Variants in B4GALT1 observed in about 807,000 individuals in gnomAD.
The protein encoded by B4GALT1 is N-acetyllactosamine synthase.
A neutral mutation model predicts 34.9 loss-of-function variants in B4GALT1; 16 were observed. The ratio of observed to expected loss-of-function variants is 0.46; its 90% CI spans 0.31 to 0.70. The LOEUF (loss-of-function observed/expected upper bound fraction) is 0.70, where lower values mean the gene tolerates loss of function less well. B4GALT1 is among the 30% of genes least tolerant of loss of function. The pLI is 0.05. For missense variants in B4GALT1, 445 were observed against 530.5 expected, an observed-to-expected ratio of 0.84 and a Z score of 1.58; for synonymous variants, 221 against 218.1, an observed-to-expected ratio of 1.01 and a Z score of -0.12.
chr9:33,143,904 G>T (rs569834407), intron 1 of B4GALT1, among the ~76,000 whole-genome samples: 1 of 150,620 alleles, frequency 6.6e-6, no homozygotes, highest in African/African-American at 2.4e-5. Flanking sequence ...TTTAAACTGG[G>T]TCTTGCTCTG....
intron 1 of B4GALT1, among the ~76,000 whole-genome samples, chr9:33,136,001 G>A (rs1226426036): frequency 2.0e-5 from 3 of 151,716 alleles, no homozygotes; most frequent in Non-Finnish European, 4.4e-5. Context: ...TAGCAGGAGT[G>A]GCATGAGTGC....
chr9:33,155,151 G>C (rs1357785633), intron 1 of B4GALT1, among the ~76,000 whole-genome samples: 1 of 152,188 alleles, frequency 6.6e-6, no homozygotes, highest in East Asian at 1.9e-4. Context: ...GAGCATCCCA[G>C]CCAATCCTTC....
chr9:33,132,810 C>A (rs1352816435), intron 2 of B4GALT1, among the ~76,000 whole-genome samples: 1 of 152,246 alleles, frequency 6.6e-6, no homozygotes, highest in Non-Finnish European at 1.5e-5. Flanking sequence ...ACCCTCCAGT[C>A]TTCCTTGAAA....
chr9:33,122,288 T>C (rs1380478495), intron 2 of B4GALT1, among the ~76,000 whole-genome samples: 6 of 151,884 alleles, frequency 4.0e-5, no homozygotes, highest in African/African-American at 1.5e-4. Flanking sequence ...GAGGCCAAGG[T>C]GGGCAGATCA....
chr9:33,115,969 A>T, intron 4 of B4GALT1, 22 bp downstream of exon 4: 1 of 1,606,320 alleles, frequency 6.2e-7, no homozygotes, highest in Non-Finnish European at 8.5e-7. Context: ...GAGGAGAAAG[A>T]TATCTAAGTT....
the B4GALT1 span, chr9:33,174,164 T>A: frequency 1.7e-5 from 2 of 115,542 alleles, no homozygotes; most frequent in South Asian, 4.8e-4. Context: ...TAAAGAGAAA[T>A]AACTAACCAT....
chr9:33,176,751 G>T, the B4GALT1 span, among the ~76,000 whole-genome samples: 1 of 152,230 alleles, frequency 6.6e-6, no homozygotes, highest in South Asian at 2.1e-4. Flanking sequence ...GGTACTACCT[G>T]CTGGGTGATA....
In B4GALT1 at chr9:33,150,150, T is replaced by TACACACATAC. The variant is rs138627804; in HGVS notation, c.413-14727_413-14726insGTATGTGTGT. Reference sequence around the variant, plus strand: ...ATATATAGATATAGATATAGATATATACACACACACATATATATGAGAGAG... The same window carrying TACACACATAC: ...ATATATAGATATAGATATAGATATATACACACATACACACACACACATATATATGAGAGAG... On this transcript the variant is annotated intron_variant, in intron 1 of 5. Transcript: ENST00000379731. Among the ~76,000 whole-genome samples, 1,356 of 119,898 alleles carry TACACACATAC rather than the reference T, an allele frequency of 0.011. 76 individuals are homozygous for TACACACATAC. In the East Asian group the frequency reaches 0.17, roughly 15 times the overall value. The allele number at this position is 119,898 out of a possible 152,430, so 78.7% of individuals were successfully genotyped here.
chr9:33,159,675 T>C (rs1334674271), intron 1 of B4GALT1, among the ~76,000 whole-genome samples: 1 of 152,172 alleles, frequency 6.6e-6, no homozygotes, highest in Non-Finnish European at 1.5e-5. Context: ...AGTTTCTCAC[T>C]ATGGCTCCTC....
At position 33,135,297 on chromosome 9, in the gene B4GALT1, G is replaced by T; in HGVS notation, c.540C>A (p.Ile180=). The change falls in exon 2 of 6, where the codon ATC becomes ATA. Residue 180 remains isoleucine, a synonymous_variant. Coordinates refer to ENST00000379731, the MANE Select transcript of B4GALT1 (RefSeq NM_001497.4). ...CCTGCCGGTTGCGGAATGGAATGAT[G>T]ATGGCCACCTTGTGAGGAGAGACGC... The part of the protein sequence containing the change: ...RDCVSPHKVA[I]IIPFRNRQEH... 3 of 1,614,214 alleles carry T rather than the reference G, an allele frequency of 1.9e-6. No individual in the cohort carries two copies. In the Admixed American group the frequency reaches 5.0e-5, roughly 27 times the overall value.
intron 1 of B4GALT1, among the ~76,000 whole-genome samples, chr9:33,139,720 G>A (rs1373046446): frequency 2.6e-5 from 4 of 152,244 alleles, no homozygotes; most frequent in Non-Finnish European, 1.5e-5. Flanking sequence ...GCAGACCTGC[G>A]ACCAGGTTTC....
At chr9:33,147,130 C>T (rs947393508) in intron 1 of B4GALT1, among the ~76,000 whole-genome samples, 3 of 152,188 alleles carry the variant, frequency 2.0e-5, no homozygotes, top group Non-Finnish European at 4.4e-5. Context: ...CCTCTCTAAA[C>T]TTTGTTGGTG....
At chr9:33,148,384 G>C (rs1398062548) in intron 1 of B4GALT1, among the ~76,000 whole-genome samples, 5 of 152,200 alleles carry the variant, frequency 3.3e-5, no homozygotes, top group Non-Finnish European at 7.3e-5. Flanking sequence ...GTCATGCTCT[G>C]CTGGTGGAAA....
upstream of B4GALT1, chr9:33,167,412 C>T (rs1840784832): frequency 5.2e-6 from 1 of 190,918 alleles, no homozygotes; most frequent in Non-Finnish European, 9.2e-6. Flanking sequence ...GGGCCGGGCG[C>T]GGGGTTTTCT....
exon 3 of B4GALT1, chr9:33,104,523 G>A (rs1056857082): frequency 3.3e-5 from 11 of 336,140 alleles, no homozygotes; most frequent in Non-Finnish European, 1.2e-5. Flanking sequence ...GACTCCTTAG[G>A]GGAGGACAGC....
At chr9:33,134,890 TTGGA>T (rs1419337719) in intron 2 of B4GALT1, among the ~76,000 whole-genome samples, 2 of 152,214 alleles carry the variant, frequency 1.3e-5, no homozygotes, top group Non-Finnish European at 2.9e-5. Flanking sequence ...AGTGTGTACT[TTGGA>T]ATAATTAGGG....
chr9:33,172,552 C>G, the B4GALT1 span, among the ~76,000 whole-genome samples: 1 of 152,156 alleles, frequency 6.6e-6, no homozygotes, highest in African/African-American at 2.4e-5. Flanking sequence ...TATCTGCCAT[C>G]CTGCAAACTC....
At chr9:33,158,960 A>G (rs956993894) in intron 1 of B4GALT1, among the ~76,000 whole-genome samples, 3 of 152,146 alleles carry the variant, frequency 2.0e-5, no homozygotes, top group Non-Finnish European at 4.4e-5. Flanking sequence ...CTTTGGTGTG[A>G]AGACTCAATT....
At chr9:33,142,862 A>T (rs1840373424) in intron 1 of B4GALT1, among the ~76,000 whole-genome samples, 1 of 152,118 alleles carries the variant, frequency 6.6e-6, no homozygotes, top group African/African-American at 2.4e-5. Context: ...GAAAAAAAAT[A>T]GGCCAGGTGC....
Sources: allele counts gnomAD v4.1 joint callset (sites outside exome capture counted in the v4.1 genomes callset), GRCh38; gene constraint gnomAD v4.1.1; transcripts MANE v1.5; gene names NCBI Gene and HGNC (gene_info 2026-07-23, HGNC 2026-07-21).